Variants in CDK14 observed in about 807,000 individuals in gnomAD.
CDK14 encodes cyclin dependent kinase 14, also known as cyclin-dependent kinase 14.
A neutral mutation model predicts 60.7 loss-of-function variants in CDK14; 34 were observed. That is an observed-to-expected ratio of 0.56 (90% CI 0.43 to 0.75). The LOEUF is 0.75. CDK14 is among the 30% of genes least tolerant of loss of function. The pLI is 0.00. For synonymous variants in CDK14, 197 were observed against 203.7 expected, an observed-to-expected ratio of 0.97 and a Z score of 0.28; for missense variants, 482 against 564.1, an observed-to-expected ratio of 0.85 and a Z score of 1.47.
intron 6 of CDK14, among the ~76,000 whole-genome samples, chr7:90,863,877 A>T (rs1171572643): frequency 6.6e-6 from 1 of 152,080 alleles, no homozygotes. Context: ...ATTCTTCTCC[A>T]TTTCTCTTAA....
intron 13 of CDK14, among the ~76,000 whole-genome samples, chr7:91,114,059 C>T (rs984601150): frequency 2.6e-5 from 4 of 152,244 alleles, no homozygotes; most frequent in South Asian, 4.2e-4. Context: ...TTTTCCTATA[C>T]TGAAAACAAA....
chr7:90,934,999 A>G (rs1289147255), intron 8 of CDK14, among the ~76,000 whole-genome samples: 1 of 152,232 alleles, frequency 6.6e-6, no homozygotes, highest in Non-Finnish European at 1.5e-5. Flanking sequence ...TATAAGGAAT[A>G]GAAATTTATT....
intron 14 of CDK14, among the ~76,000 whole-genome samples, chr7:91,175,436 A>G (rs1024608826): frequency 2.0e-5 from 3 of 152,034 alleles, no homozygotes; most frequent in African/African-American, 7.2e-5. Context: ...TCATCATGAC[A>G]GGATCAAATT....
rs577645137 is a variant in CDK14, at chr7:90,843,637, A to C, written c.545-19538A>C. ...ATTCTTTGGCTTGAGACCCATGGCA[A>C]AGTTCCCTGGGGCAGAGACCTGGTT... On this transcript the variant is annotated intron_variant, in intron 5 of 14. Transcript: ENST00000380050. 3.9e-5 allele frequency among the ~76,000 whole-genome samples: 6 copies of C among 152,234 alleles called. No individual in the cohort carries two copies. The South Asian group carries it at 1.2e-3, about 32-fold the overall frequency.
chr7:90,865,718 A>G (rs1033000577), intron 6 of CDK14, among the ~76,000 whole-genome samples: 5 of 152,168 alleles, frequency 3.3e-5, no homozygotes, highest in African/African-American at 7.2e-5. Flanking sequence ...ATAAAACCCA[A>G]CAGCTGAAAT....
At chr7:91,115,113 G>A (rs772634089) in intron 13 of CDK14, among the ~76,000 whole-genome samples, 24 of 152,164 alleles carry the variant, frequency 1.6e-4, no homozygotes, top group Non-Finnish European at 2.8e-4. Context: ...AGATTTGGAA[G>A]GAGATCCACC....
rs1026172638 is a variant in CDK14, at chr7:91,173,869, G to A, written c.*29-33296G>A. 1.6e-3 allele frequency among the ~76,000 whole-genome samples: 247 copies of A among 152,298 alleles called. 2 individuals carry two copies. The highest frequency in any genetic ancestry group is 0.013 in the Admixed American group (193 of 15,300). ...TGAGATCAAACTGCAAGGCGGCAGCGAGGCTGGGGGAGGGGCACCCGCCAT... is the reference window on the plus strand; with the variant it reads ...TGAGATCAAACTGCAAGGCGGCAGCAAGGCTGGGGGAGGGGCACCCGCCAT... On this transcript the variant is annotated intron_variant, in intron 14 of 14. Transcript: ENST00000380050.
intron 10 of CDK14, among the ~76,000 whole-genome samples, chr7:91,030,043 G>C (rs1347677352): frequency 6.6e-6 from 1 of 152,126 alleles, no homozygotes; most frequent in East Asian, 1.9e-4. Flanking sequence ...TTCCATACTT[G>C]TATCCTAGCT....
At chr7:91,181,580 T>A (rs1182908611) in intron 14 of CDK14, among the ~76,000 whole-genome samples, 1 of 152,184 alleles carries the variant, frequency 6.6e-6, no homozygotes, top group Non-Finnish European at 1.5e-5. Flanking sequence ...AAACAGAAAA[T>A]CTTCCCCTTA....
chr7:91,029,633 C>CTCTCCCCTCTCCCG (rs1193802216), intron 10 of CDK14, among the ~76,000 whole-genome samples: 2 of 150,662 alleles, frequency 1.3e-5, no homozygotes, highest in Non-Finnish European at 3.0e-5. Flanking sequence ...CTCCTCTCCC[C>CTCTCCCCTCTCCCG]TCTCCCCTTC....
intron 12 of CDK14, among the ~76,000 whole-genome samples, chr7:91,089,698 G>A (rs940930857): frequency 2.0e-5 from 3 of 152,176 alleles, no homozygotes; most frequent in African/African-American, 7.2e-5. Flanking sequence ...CCCATGCTTT[G>A]TCTGTCCCTC....
At chr7:90,992,242 C>T (rs540347699) in intron 10 of CDK14, among the ~76,000 whole-genome samples, 2 of 152,306 alleles carry the variant, frequency 1.3e-5, no homozygotes, top group South Asian at 4.1e-4. Context: ...TATTAAAAGA[C>T]AACCTGTTTG....
In CDK14 at chr7:91,161,638, C is replaced by G. The variant is rs1181427856; in HGVS notation, c.*28+43430C>G. Among the ~76,000 whole-genome samples, 3 of 152,170 alleles carry G rather than the reference C, an allele frequency of 2.0e-5. No individual in the cohort carries two copies. The South Asian group carries it at 6.2e-4, about 31-fold the overall frequency. On this transcript the variant is annotated intron_variant, in intron 14 of 14. Transcript: ENST00000380050. ...CTCTTCATTATTTTAGTTACATTCC[C>G]TTTTTAACAAATCCTTTCCTTTACT...
intron 4 of CDK14, among the ~76,000 whole-genome samples, chr7:90,777,692 G>C (rs953718448): frequency 1.3e-5 from 2 of 152,110 alleles, no homozygotes; most frequent in African/African-American, 4.8e-5. Context: ...TGCACATAGG[G>C]GCAGCTGTGC....
chr7:90,650,597 C>T (rs1800612344), intron 2 of CDK14, among the ~76,000 whole-genome samples: 1 of 152,144 alleles, frequency 6.6e-6, no homozygotes, highest in African/African-American at 2.4e-5. Flanking sequence ...TTAGGTCTAA[C>T]ATTTAAGTCT....
intron 2 of CDK14, among the ~76,000 whole-genome samples, chr7:90,705,251 C>T (rs1031502918): frequency 8.7e-5 from 13 of 149,682 alleles, no homozygotes; most frequent in Non-Finnish European, 8.9e-5. Flanking sequence ...GTACTCTTTT[C>T]TTCCCTCATA....
intron 13 of CDK14, among the ~76,000 whole-genome samples, chr7:91,113,261 G>A (rs1799521384): frequency 6.6e-6 from 1 of 152,226 alleles, no homozygotes. Flanking sequence ...GAATTGACAT[G>A]TACAGACTGA....
chr7:90,811,682 C>G (rs1489653730), intron 5 of CDK14, among the ~76,000 whole-genome samples: 2 of 151,724 alleles, frequency 1.3e-5, no homozygotes, highest in Non-Finnish European at 2.9e-5. Flanking sequence ...GAACAGGCAA[C>G]CTACAGAATG....
At chr7:90,728,114 G>T (rs1412810491) in intron 3 of CDK14, among the ~76,000 whole-genome samples, 3 of 151,992 alleles carry the variant, frequency 2.0e-5, no homozygotes, top group African/African-American at 7.2e-5. Context: ...TAGGTGCCTA[G>T]ATTGTATTGA....
Sources: allele counts gnomAD v4.1 joint callset (sites outside exome capture counted in the v4.1 genomes callset), GRCh38; gene constraint gnomAD v4.1.1; transcripts MANE v1.5; gene names NCBI Gene and HGNC (gene_info 2026-07-23, HGNC 2026-07-21).